Variants in ARHGEF4 observed in about 807,000 individuals in gnomAD.
ARHGEF4 encodes the protein Rho guanine nucleotide exchange factor 4, also known as APC-stimulated guanine nucleotide exchange factor 1.
ARHGEF4 carries 119 observed loss-of-function variants against 162.0 expected under a neutral mutation model. The ratio of observed to expected loss-of-function variants is 0.73; its 90% confidence interval spans 0.63 to 0.86. The LOEUF (loss-of-function observed/expected upper bound fraction) is 0.86. ARHGEF4 is among the 40% of genes least tolerant of loss of function. The probability of loss-of-function intolerance (pLI) is 0.00; values close to 1 mark genes in which losing one functional copy is unlikely to be tolerated. For synonymous variants in ARHGEF4, 1,014 were observed against 979.9 expected, an observed-to-expected ratio of 1.03 and a Z score of -0.65; for missense variants, 2,488 against 2,456.0, an observed-to-expected ratio of 1.01 and a Z score of -0.28.
intron 2 of ARHGEF4, among the ~76,000 whole-genome samples, chr2:130,926,036 CTTTCTTTCTTTCTCTT>C (rs1278225257): frequency 3.7e-5 from 4 of 107,680 alleles, no homozygotes; most frequent in African/African-American, 1.6e-4. Context: ...TTCTTTCTTT[CTTTCTTTCTTTCTCTT>C]TCTTTCTTTC....
chr2:130,924,300 C>A (rs753941176), intron 2 of ARHGEF4, among the ~76,000 whole-genome samples: 1 of 145,182 alleles, frequency 6.9e-6, no homozygotes, highest in African/African-American at 2.6e-5. Context: ...TTTTTGAGAC[C>A]GAGTCTCACA....
chr2:130,893,155 G>A, intron 1 of ARHGEF4, among the ~76,000 whole-genome samples: 1 of 152,214 alleles, frequency 6.6e-6, no homozygotes, highest in East Asian at 1.9e-4. Context: ...TCTCTTGCGA[G>A]CACGTGCTTA....
chr2:130,992,718 G>C (rs997879885), intron 4 of ARHGEF4, among the ~76,000 whole-genome samples: 1 of 152,200 alleles, frequency 6.6e-6, no homozygotes, highest in Admixed American at 6.5e-5. Flanking sequence ...TGCAAGCCAG[G>C]AGAGAATGCA....
At chr2:130,987,016 T>TC (rs1408840050) in intron 4 of ARHGEF4, among the ~76,000 whole-genome samples, 2 of 152,206 alleles carry the variant, frequency 1.3e-5, no homozygotes, top group South Asian at 2.1e-4. Context: ...CTTCTGTGCA[T>TC]CCCCCCGTGG....
At chr2:130,907,665 A>G (rs1680909712) in intron 1 of ARHGEF4, among the ~76,000 whole-genome samples, 1 of 151,850 alleles carries the variant, frequency 6.6e-6, no homozygotes, top group Non-Finnish European at 1.5e-5. Flanking sequence ...AAAATTTTGT[A>G]TATTGAGTCC....
intron 4 of ARHGEF4, among the ~76,000 whole-genome samples, chr2:131,023,684 C>T (rs1235668718): frequency 1.3e-5 from 2 of 152,170 alleles, no homozygotes; most frequent in African/African-American, 4.8e-5. Flanking sequence ...CACAACCACT[C>T]TGGAAAATAG....
At chr2:131,045,922 GC>G in intron 13 of ARHGEF4, 115 bp from the exon 14 acceptor site, 2 of 1,496,948 alleles carry the variant, frequency 1.3e-6, no homozygotes, top group South Asian at 2.7e-5. Context: ...TGGCAAAACT[GC>G]CTCCTACGGC....
intron 1 of ARHGEF4, among the ~76,000 whole-genome samples, chr2:130,851,817 G>A (rs533779060): frequency 3.9e-5 from 6 of 152,318 alleles, no homozygotes; most frequent in South Asian, 4.1e-4. Context: ...CAGTCTCTCC[G>A]GGCTTGTGTA....
Position 131,041,876 on chromosome 2 carries a change from G to T in ARHGEF4, c.4957G>T (p.Glu1653Ter). ...GAAGAACGTGGCCCAGCTCATCAACGAGCGGAAGCGGAGACTTGAGAACAT... is the reference window on the plus strand; with the variant it reads ...GAAGAACGTGGCCCAGCTCATCAACTAGCGGAAGCGGAGACTTGAGAACAT... ...AMKNVAQLIN[E>*]RKRRLENIDK... is the part of the protein sequence containing the mutation. The change falls in exon 10 of 14, where the codon GAG (glutamate) becomes TAG (stop). Residue 1653 changes from glutamate (E) to a stop codon, truncating the protein, a stop_gained. Coordinates refer to ENST00000409359, the MANE Select transcript of ARHGEF4 (RefSeq NM_001367493.1). LOFTEE classifies it high-confidence loss of function. The T allele has an allele frequency of 6.2e-7, 1 of 1,613,632 alleles. No homozygotes were observed. The highest frequency in any genetic ancestry group is 8.5e-7 in the Non-Finnish European group (1 of 1,180,028).
chr2:130,922,160 A>G (rs544723064), intron 2 of ARHGEF4, among the ~76,000 whole-genome samples: 15 of 151,860 alleles, frequency 9.9e-5, no homozygotes, highest in Non-Finnish European at 2.2e-4. Flanking sequence ...ACCTGAGGTT[A>G]GGGGTTCGAG....
At chr2:130,997,795 A>G (rs536719831) in intron 4 of ARHGEF4, among the ~76,000 whole-genome samples, 19 of 152,290 alleles carry the variant, frequency 1.2e-4, no homozygotes, top group African/African-American at 4.3e-4. Context: ...GTATAATGCA[A>G]ATTTCATGTT....
At chr2:130,857,093 G>T (rs112513161) in intron 1 of ARHGEF4, among the ~76,000 whole-genome samples, 1 of 152,118 alleles carries the variant, frequency 6.6e-6, no homozygotes, top group African/African-American at 2.4e-5. Flanking sequence ...TTAGCTGGGC[G>T]TGGTGGCGGG....
chr2:130,971,713 A>G (rs1242408412), intron 4 of ARHGEF4, among the ~76,000 whole-genome samples: 2 of 148,900 alleles, frequency 1.3e-5, no homozygotes, highest in East Asian at 2.0e-4. Flanking sequence ...TATCCTCTTG[A>G]GTTTTGATAT....
intron 1 of ARHGEF4, chr2:130,837,714 G>A (rs1250865830): frequency 1.2e-5 from 5 of 414,432 alleles, no homozygotes; most frequent in Admixed American, 1.1e-4. Flanking sequence ...GAGCCAGCGG[G>A]AGGGCGGTTG....
Position 130,915,097 on chromosome 2 carries a change from C to T in ARHGEF4, c.1151C>T (p.Thr384Ile), listed in dbSNP as rs79406269. ...CAAAACATCCCTTCCCCTGCACCCACCCAGCTGTCTGGCCCGATTCCTGCT... is the reference window on the plus strand; with the variant it reads ...CAAAACATCCCTTCCCCTGCACCCATCCAGCTGTCTGGCCCGATTCCTGCT... Reference protein sequence around the residue: ...RIQNIPSPAPTQLSGPIPAFQ... With the variant: ...RIQNIPSPAPIQLSGPIPAFQ... The change falls in exon 2 of 14, where the codon ACC (threonine) becomes ATC (isoleucine). Residue 384 changes from threonine to isoleucine, a missense_variant. Thr to Ile is a moderately conservative substitution (Grantham distance 89). Transcript: ENST00000409359. 2.1e-4 allele frequency: 320 copies of T among 1,550,744 alleles called. No individual in the cohort carries two copies. The East Asian group carries it at 7.6e-3, about 37-fold the overall frequency.
At chr2:130,869,092 T>C (rs1435612267) in intron 1 of ARHGEF4, among the ~76,000 whole-genome samples, 1 of 152,330 alleles carries the variant, frequency 6.6e-6, no homozygotes, top group East Asian at 1.9e-4. Flanking sequence ...CACAGACATC[T>C]TGGGGGTCCC....
chr2:131,019,564 C>T (rs1484054757), intron 4 of ARHGEF4, among the ~76,000 whole-genome samples: 1 of 151,304 alleles, frequency 6.6e-6, no homozygotes, highest in Non-Finnish European at 1.5e-5. Context: ...TGTTTTGTAG[C>T]TTTTATTCTA....
intron 1 of ARHGEF4, 112 bp from the exon 2 acceptor site, chr2:130,913,874 C>A: frequency 2.3e-6 from 3 of 1,309,772 alleles, no homozygotes; most frequent in Non-Finnish European, 2.1e-6. Context: ...ACATGGGGAA[C>A]TAATGAGCCA....
At chr2:130,966,430 TAAGGGAGGAGAACTTG>T (rs538381983) in intron 4 of ARHGEF4, among the ~76,000 whole-genome samples, 165 of 152,298 alleles carry the variant, frequency 1.1e-3, no homozygotes, top group African/African-American at 3.8e-3. Flanking sequence ...AAAAGGCTGG[TAAGGGAGGAGAACTTG>T]AAGGGAGGAG....
Sources: gnomAD v4.1 joint callset for allele counts (sites outside exome capture counted in the v4.1 genomes callset) on GRCh38, gnomAD v4.1.1 for gene constraint, MANE v1.5 for transcripts, NCBI Gene and HGNC (gene_info 2026-07-23, HGNC 2026-07-21) for gene names.